CNTLN: variants seen among roughly 807,000 people sequenced by gnomAD.
The protein encoded by CNTLN is centlein, also known as centlein, centrosomal protein.
Under a neutral mutation model 180.0 loss-of-function variants are expected in CNTLN, and 212 were observed. The observed-to-expected ratio is 1.18, with a 90% confidence interval of 1.05 to 1.32. The LOEUF is 1.32. Among genes scored for constraint, CNTLN ranks in the 40% most tolerant of loss-of-function variants. The probability of loss-of-function intolerance (pLI) is 0.00; values close to 1 mark genes in which losing one functional copy is unlikely to be tolerated. For synonymous variants in CNTLN, 722 were observed against 563.1 expected (o/e 1.28, Z -3.99); for missense variants, 2,095 against 1,610.9 (o/e 1.30, Z -5.14).
chr9:17,372,003 A>C (rs1173568414), intron 13 of CNTLN, among the ~76,000 whole-genome samples: 1 of 152,186 alleles, frequency 6.6e-6, no homozygotes, highest in African/African-American at 2.4e-5. Context: ...AAATGCCTAC[A>C]TCAAAGAAGA....
intron 23 of CNTLN, among the ~76,000 whole-genome samples, chr9:17,481,781 A>G (rs1832662995): frequency 6.6e-6 from 1 of 152,216 alleles, no homozygotes; most frequent in Admixed American, 6.5e-5. Context: ...GAGCCTAGCC[A>G]GCAGCCCTGT....
chr9:17,219,152 A>G (rs1332639239), intron 2 of CNTLN, among the ~76,000 whole-genome samples: 2 of 151,982 alleles, frequency 1.3e-5, no homozygotes, highest in East Asian at 1.9e-4. Context: ...CTTCGCTCAC[A>G]TCATTATTGC....
rs1465545168 is a variant in CNTLN, at chr9:17,342,459, T to G, written c.1886+15T>G. 1.3e-6 allele frequency: 2 copies of G among 1,593,770 alleles called. No homozygotes were observed. The highest frequency in any genetic ancestry group is 1.7e-6 in the Non-Finnish European group (2 of 1,173,654). ...ATGATTCAAAAGTGAGTTTCATTTT[T>G]AACAATATGGACTTAGATAAAATAC... On this transcript the variant is annotated intron_variant, in intron 12 of 25. Transcript: ENST00000380647.
intron 12 of CNTLN, among the ~76,000 whole-genome samples, chr9:17,344,928 CT>C (rs1821763877): frequency 1.3e-5 from 2 of 152,148 alleles, no homozygotes. Context: ...CTGATTTGTT[CT>C]CCTTCCCTAT....
intron 18 of CNTLN, among the ~76,000 whole-genome samples, chr9:17,437,398 A>C (rs768434155): frequency 1.3e-5 from 2 of 152,218 alleles, no homozygotes; most frequent in African/African-American, 4.8e-5. Context: ...GAATAGCATC[A>C]GTTAGAAATT....
At chr9:17,229,916 A>G (rs1285417633) in intron 3 of CNTLN, among the ~76,000 whole-genome samples, 2 of 152,146 alleles carry the variant, frequency 1.3e-5, no homozygotes, top group East Asian at 3.9e-4. Flanking sequence ...GAATTTTTGT[A>G]GAGATTTTAT....
intron 2 of CNTLN, among the ~76,000 whole-genome samples, chr9:17,199,662 A>G (rs1822390199): frequency 6.6e-6 from 1 of 152,114 alleles, no homozygotes; most frequent in Admixed American, 6.5e-5. Context: ...GTCTTGTCGT[A>G]TCCTTTGCCC....
At chr9:17,188,011 C>CAT (rs10556334) in intron 2 of CNTLN, among the ~76,000 whole-genome samples, 3,990 of 145,722 alleles carry the variant, frequency 0.027, 76 homozygotes, top group Admixed American at 0.038. Flanking sequence ...ATATATACAC[C>CAT]ATATATATAT....
intron 6 of CNTLN, among the ~76,000 whole-genome samples, chr9:17,279,381 C>G (rs565789576): frequency 9.9e-5 from 15 of 152,248 alleles, no homozygotes; most frequent in Middle Eastern, 3.4e-3. Flanking sequence ...TTCCCTATTG[C>G]TACCATATGC....
At chr9:17,399,323 C>T (rs894805533) in intron 15 of CNTLN, among the ~76,000 whole-genome samples, 3 of 152,038 alleles carry the variant, frequency 2.0e-5, no homozygotes, top group African/African-American at 7.2e-5. Context: ...TTTTCCATCC[C>T]TACAGTCATA....
chr9:17,240,144 T>G (rs1341935174), intron 5 of CNTLN, among the ~76,000 whole-genome samples: 1 of 152,174 alleles, frequency 6.6e-6, no homozygotes, highest in Non-Finnish European at 1.5e-5. Context: ...TCAGTTGTTT[T>G]GTAGCTTTCA....
chr9:17,422,751 C>T (rs747577468), intron 18 of CNTLN, among the ~76,000 whole-genome samples: 5 of 151,956 alleles, frequency 3.3e-5, no homozygotes, highest in Admixed American at 6.6e-5. Context: ...CATGTTTTCC[C>T]GAGTGTTTTT....
intron 6 of CNTLN, among the ~76,000 whole-genome samples, chr9:17,294,614 C>G (rs768925852): frequency 1.3e-5 from 2 of 149,990 alleles, no homozygotes; most frequent in Admixed American, 6.7e-5. Flanking sequence ...GCCCAGCTGG[C>G]TTCACCCAGT....
At chr9:17,145,551 C>A (rs1328290311) in intron 2 of CNTLN, among the ~76,000 whole-genome samples, 1 of 152,208 alleles carries the variant, frequency 6.6e-6, no homozygotes, top group Non-Finnish European at 1.5e-5. Flanking sequence ...TCCTGGACAG[C>A]ATTTCCCCCC....
intron 9 of CNTLN, among the ~76,000 whole-genome samples, chr9:17,331,504 A>C (rs1405877538): frequency 6.6e-6 from 1 of 151,938 alleles, no homozygotes; most frequent in Non-Finnish European, 1.5e-5. Flanking sequence ...TCAGAGTAAG[A>C]GTTTTAGCAT....
chr9:17,404,382 T>A (rs1435760385), intron 15 of CNTLN, among the ~76,000 whole-genome samples: 1 of 151,720 alleles, frequency 6.6e-6, no homozygotes, highest in Admixed American at 6.6e-5. Flanking sequence ...ATTAGTATGA[T>A]CTTGGGCTAG....
chr9:17,299,267 A>AAAAG (rs757396929), intron 7 of CNTLN: 2 of 142,716 alleles, frequency 1.4e-5, no homozygotes, highest in African/African-American at 5.7e-5. Flanking sequence ...AAAAAAAAAA[A>AAAAG]CCTTTACTGA....
chr9:17,463,604 C>T (rs1460294989), intron 20 of CNTLN, among the ~76,000 whole-genome samples: 1 of 151,526 alleles, frequency 6.6e-6, no homozygotes, highest in Non-Finnish European at 1.5e-5. Flanking sequence ...CACAAACACA[C>T]CTGTAGACCT....
chr9:17,135,224 T>G lies in CNTLN; in HGVS notation c.159T>G (p.Ser53Arg), dbSNP rs1293692966. ...CGCGGGAGGTGGTCGCGGACGAAAG[T>G]GATAAAATCTGGGTGGGTGAAGAAG... ...GAAREVVADE[S>R]DKIWVGEEGS... Residue 53 changes from serine to arginine, a missense_variant, in exon 1 of 26, where the codon AGT (serine) becomes AGG (arginine). Transcript: ENST00000380647. 2 of 1,609,586 alleles carry G rather than the reference T, an allele frequency of 1.2e-6. No homozygotes were observed. Among genetic ancestry groups the G allele is most frequent in the East Asian group, 4.5e-5 (2 of 44,652 alleles).
Sources: gnomAD v4.1 joint callset for allele counts (sites outside exome capture counted in the v4.1 genomes callset) on GRCh38, gnomAD v4.1.1 for gene constraint, MANE v1.5 for transcripts, NCBI Gene and HGNC (gene_info 2026-07-23, HGNC 2026-07-21) for gene names.